The following GLI3 variants were observed in gnomAD, a reference collection of about 807,000 sequenced individuals.
GLI3 encodes GLI family zinc finger 3, also known as transcription activator GLI3.
In GLI3, 20 loss-of-function variants were observed where a neutral mutation model predicts 100.8. The ratio of observed to expected loss-of-function variants is 0.20; its 90% CI spans 0.14 to 0.29. GLI3 has a LOEUF of 0.29. Ranked by LOEUF, GLI3 falls within the 10% of genes least tolerant of loss-of-function variation. The pLI, the probability that GLI3 is intolerant of heterozygous loss-of-function variation, is 1.00. For missense variants in GLI3, 2,040 were observed against 2,128.5 expected (o/e 0.96, Z 0.82); for synonymous variants, 938 against 860.5 (o/e 1.09, Z -1.58).
intron 10 of GLI3, among the ~76,000 whole-genome samples, chr7:41,999,876 C>A (rs561258052): frequency 6.6e-6 from 1 of 152,316 alleles, no homozygotes; most frequent in Admixed American, 6.5e-5. Flanking sequence ...AAAGAGAGCA[C>A]CTGCAGCAGC....
At position 42,155,634 on chromosome 7, in the gene GLI3, C is replaced by T. The variant is rs536059818; in HGVS notation, c.125-7166G>A. Reference sequence around the variant, plus strand: ...TTAGAGCTCAAACCAAGGCAAAATTCTCACCTCACTCCCCAACTGCTCAGT... The same window carrying T: ...TTAGAGCTCAAACCAAGGCAAAATTTTCACCTCACTCCCCAACTGCTCAGT... On this transcript the variant is annotated intron_variant, in intron 2 of 14. Transcript: ENST00000395925. 1.1e-3 allele frequency among the ~76,000 whole-genome samples: 174 copies of T among 152,230 alleles called. No individual in the cohort carries two copies. The Middle Eastern group carries it at 0.017, about 15-fold the overall frequency.
chr7:42,187,833 T>C (rs561707490), intron 2 of GLI3, among the ~76,000 whole-genome samples: 1 of 151,250 alleles, frequency 6.6e-6, no homozygotes, highest in East Asian at 2.0e-4. Flanking sequence ...TGAAACCCCG[T>C]CTCTACTAAA....
At chr7:42,033,713 G>A (rs1789359111) in intron 7 of GLI3, among the ~76,000 whole-genome samples, 1 of 152,124 alleles carries the variant, frequency 6.6e-6, no homozygotes, top group African/African-American at 2.4e-5. Context: ...GCCATCCAAA[G>A]AACCATTTTT....
intron 3 of GLI3, among the ~76,000 whole-genome samples, chr7:42,131,944 C>A (rs937835625): frequency 2.6e-4 from 39 of 152,008 alleles, no homozygotes; most frequent in African/African-American, 8.4e-4. Flanking sequence ...AATATAAGCA[C>A]ATTCTGGAGT....
chr7:42,066,234 A>G (rs1310509099), intron 4 of GLI3, among the ~76,000 whole-genome samples: 1 of 152,200 alleles, frequency 6.6e-6, no homozygotes, highest in Non-Finnish European at 1.5e-5. Context: ...TGCCTAGGAC[A>G]AAGACCTCAT....
chr7:42,063,977 A>T (rs1179362731), intron 4 of GLI3, among the ~76,000 whole-genome samples: 3 of 152,216 alleles, frequency 2.0e-5, no homozygotes, highest in Non-Finnish European at 4.4e-5. Flanking sequence ...ATAGAAAAGG[A>T]TGGTATGGTT....
At chr7:42,105,140 C>T (rs1299470569) in intron 3 of GLI3, among the ~76,000 whole-genome samples, 1 of 152,186 alleles carries the variant, frequency 6.6e-6, no homozygotes, top group Non-Finnish European at 1.5e-5. Context: ...CCTTCATGGC[C>T]AGTCCTGAAG....
Position 42,101,608 on chromosome 7 carries a change from T to C in GLI3, c.368-24751A>G, listed in dbSNP as rs546873168. On this transcript the variant is annotated intron_variant, in intron 3 of 14. Coordinates refer to ENST00000395925, the MANE Select transcript of GLI3 (RefSeq NM_000168.6). ...GCGACAAAGCAAGACTCTGTCTCAA[T>C]TTTTTTTTTTAAATGTATAATTGCT... Among the ~76,000 whole-genome samples, 14 of 113,162 alleles carry C rather than the reference T, an allele frequency of 1.2e-4. No homozygotes were observed. The East Asian group carries it at 2.6e-3, about 21-fold the overall frequency. 74.2% of individuals were successfully genotyped at this position (113,162 alleles called of 152,430 possible). A position where few individuals can be genotyped will look rare whatever the true frequency, so the allele number is the denominator to read the frequency against.
At chr7:42,044,405 G>A (rs758458723) in intron 6 of GLI3, among the ~76,000 whole-genome samples, 5 of 152,078 alleles carry the variant, frequency 3.3e-5, no homozygotes, top group Admixed American at 6.6e-5. Flanking sequence ...AGAGATGAGC[G>A]CTCTGGAATG....
intron 1 of GLI3, among the ~76,000 whole-genome samples, chr7:42,235,432 C>T (rs972592384): frequency 1.8e-4 from 28 of 152,144 alleles, no homozygotes; most frequent in Middle Eastern, 3.4e-3. Context: ...GGGTGCAGGC[C>T]CCCCACCCGC....
chr7:42,085,984 A>G (rs17640723), intron 3 of GLI3, among the ~76,000 whole-genome samples: 30,858 of 152,180 alleles, frequency 0.2, 3,287 homozygotes, highest in Admixed American at 0.31. Context: ...AAAACCAGGC[A>G]AGAAGCTCTG....
intron 10 of GLI3, among the ~76,000 whole-genome samples, chr7:41,982,599 G>A (rs1787703015): frequency 6.6e-6 from 1 of 151,620 alleles, no homozygotes; most frequent in African/African-American, 2.4e-5. Context: ...CCACTTGTGA[G>A]GCTGAGGCAG....
At chr7:41,997,545 C>T (rs1470418885) in intron 10 of GLI3, among the ~76,000 whole-genome samples, 1 of 152,148 alleles carries the variant, frequency 6.6e-6, no homozygotes, top group Non-Finnish European at 1.5e-5. Context: ...AAAAAAGTGT[C>T]CAAGTAATAG....
At chr7:42,223,037 A>C in intron 2 of GLI3, 93 bp downstream of exon 2, 1 of 1,453,762 alleles carries the variant, frequency 6.9e-7, no homozygotes, top group Non-Finnish European at 9.6e-7. Context: ...TAGAACAAAC[A>C]CTGGTCCAGG....
intron 3 of GLI3, among the ~76,000 whole-genome samples, chr7:42,095,587 A>G (rs551849804): frequency 1.2e-4 from 19 of 152,242 alleles, no homozygotes; most frequent in African/African-American, 3.9e-4. Context: ...GAGATGGGTG[A>G]GAAGAGAAAG....
intron 1 of GLI3, among the ~76,000 whole-genome samples, chr7:42,260,322 G>A (rs890861561): frequency 6.6e-6 from 1 of 152,128 alleles, no homozygotes; most frequent in Non-Finnish European, 1.5e-5. Flanking sequence ...GTGTTGTACT[G>A]TATTTAAATA....
At chr7:42,028,853 T>C (rs1405401495) in intron 7 of GLI3, among the ~76,000 whole-genome samples, 1 of 151,772 alleles carries the variant, frequency 6.6e-6, no homozygotes, top group Non-Finnish European at 1.5e-5. Context: ...AAGATAAGAC[T>C]CAGCATTCCC....
rs1271971372 is a variant in GLI3, at chr7:41,965,637, G to A, written c.3436C>T (p.Leu1146Phe). Residue 1146 changes from leucine to phenylalanine, a missense_variant, in exon 15 of 15, where the codon CTC (leucine) becomes TTC (phenylalanine). This residue lies in a region of GLI3 where 1,041 missense variants were observed against 924.0 expected (regional missense o/e 1.13). Transcript: ENST00000395925. ...CTGCCCTCGGGGCAGGGCTGCTCGA[G>A]GGCATGGAACTGCTGGCCAGCGTGG... ...DSHAGQQFHA[L>F]EQPCPEGSKT... 2 of 1,611,828 alleles carry A rather than the reference G, an allele frequency of 1.2e-6. No homozygotes were observed. The highest frequency in any genetic ancestry group is 2.2e-5 in the East Asian group (1 of 44,806).
At position 41,965,524 on chromosome 7, in the gene GLI3, G is replaced by A. The variant is rs746224726; in HGVS notation, c.3549C>T (p.Pro1183=). The part of the protein sequence containing the change: ...SSSKLKCGPR[P]AVPQTRAFGF... ...CAAAGGCGCGAGTCTGCGGCACAGCGGGCCGCGGCCCACACTTGAGCTTGG... is the reference window on the plus strand; with the variant it reads ...CAAAGGCGCGAGTCTGCGGCACAGCAGGCCGCGGCCCACACTTGAGCTTGG... The change falls in exon 15 of 15, where the codon CCC becomes CCT. Residue 1183 remains proline, a synonymous_variant. Coordinates refer to ENST00000395925, the MANE Select transcript of GLI3 (RefSeq NM_000168.6). The A allele has an allele frequency of 1.9e-6, 3 of 1,605,610 alleles. No homozygotes were observed. The Admixed American group carries it at 5.0e-5, about 27-fold the overall frequency.
Sources: allele counts gnomAD v4.1 joint callset (sites outside exome capture counted in the v4.1 genomes callset), GRCh38; gene constraint gnomAD v4.1.1; regional missense constraint gnomAD v4.1.1; transcripts MANE v1.5; gene names NCBI Gene and HGNC (gene_info 2026-07-23, HGNC 2026-07-21).